CA11: variants seen among roughly 807,000 people sequenced by gnomAD.
The protein encoded by CA11 is carbonic anhydrase 11 (inactive).
CA11 carries 20 observed loss-of-function variants against 39.3 expected under a neutral mutation model. That is an observed-to-expected ratio of 0.51 (90% CI 0.36 to 0.74). The LOEUF is 0.74. Among genes scored for constraint, CA11 ranks in the 30% least tolerant of loss-of-function variants. The pLI is 0.00. For missense variants in CA11, 336 were observed against 424.6 expected, an observed-to-expected ratio of 0.79 and a Z score of 1.83; for synonymous variants, 166 against 172.5, an observed-to-expected ratio of 0.96 and a Z score of 0.29.
At chr19:48,638,866 G>T (rs777141420) in intron 8 of CA11, 22 bp downstream of exon 8, 6 of 1,544,626 alleles carry the variant, frequency 3.9e-6, no homozygotes, top group African/African-American at 2.8e-5. Flanking sequence ...AAGACTTAGA[G>T]GGGGTGCAGA....
At chr19:48,645,154 A>C (rs1424337031) in intron 2 of CA11, among the ~76,000 whole-genome samples, 2 of 152,106 alleles carry the variant, frequency 1.3e-5, no homozygotes, top group Non-Finnish European at 2.9e-5. Context: ...CTCTCCCGGC[A>C]AACACACACA....
intron 6 of CA11, 30 bp from the exon 7 acceptor site, chr19:48,639,489 G>A (rs779570734): frequency 1.2e-5 from 19 of 1,613,654 alleles, no homozygotes; most frequent in Non-Finnish European, 1.6e-5. Context: ...GAGTAAAGAG[G>A]GATGGCACTC....
At position 48,638,155 on chromosome 19, in the gene CA11, G is replaced by A; in HGVS notation, c.962-11C>T. Reference sequence around the variant, plus strand: ...GGGGGACACCATCCACTGTAAGACAGAGAACAACGGCAGGGGGCGTCAGTA... The same window carrying A: ...GGGGGACACCATCCACTGTAAGACAAAGAACAACGGCAGGGGGCGTCAGTA... On this transcript the variant is annotated splice_polypyrimidine_tract_variant and intron_variant, in intron 8 of 8. Transcript: ENST00000084798. The A allele has an allele frequency of 1.1e-6, 1 of 910,996 alleles. No homozygotes were observed. The highest frequency in any genetic ancestry group is 3.2e-5 in the East Asian group (1 of 30,880). The allele number at this position is 910,996 out of a possible 1,614,324, so 56.4% of individuals were successfully genotyped here. A position where few individuals can be genotyped will look rare whatever the true frequency, so the allele number is the denominator to read the frequency against.
intron 6 of CA11, 32 bp downstream of exon 6, chr19:48,639,517 T>G (rs780838422): frequency 4.3e-6 from 7 of 1,613,906 alleles, no homozygotes; most frequent in Non-Finnish European, 5.9e-6. Context: ...CCCTCGTGTG[T>G]GACCACTGCC....
intron 3 of CA11, among the ~76,000 whole-genome samples, chr19:48,641,823 CTTTTTTTTTTTTTT>C: frequency 1.1e-5 from 1 of 92,296 alleles, no homozygotes; most frequent in Admixed American, 1.2e-4. Flanking sequence ...TTTCAATTTT[CTTTTTTTTTTTTTT>C]TTTTTTTTGG....
In CA11 at chr19:48,643,630, C is replaced by CAAA. The variant is rs1169751929; in HGVS notation, c.285+794_285+796dup. On this transcript the variant is annotated intron_variant, in intron 3 of 8. Coordinates refer to ENST00000084798, the MANE Select transcript of CA11 (RefSeq NM_001217.5). The surrounding 1 kb of genome is among the most constrained non-coding windows in gnomAD (Gnocchi z 4.3). ...GGGTCACAGAGTGAGATCCCAATTC[C>CAAA]AAAAAAAAAAAAAAAAAGTATGGTT... 9.1e-6 allele frequency among the ~76,000 whole-genome samples: 1 copy of CAAA among 109,410 alleles called. No individual in the cohort carries two copies. The highest frequency in any genetic ancestry group is 2.5e-4 in the East Asian group (1 of 3,958). 71.8% of individuals were successfully genotyped at this position (109,410 alleles called of 152,430 possible).
intron 3 of CA11, among the ~76,000 whole-genome samples, chr19:48,642,732 C>A (rs1452213876): frequency 2.0e-5 from 3 of 151,910 alleles, no homozygotes; most frequent in Non-Finnish European, 4.4e-5. Flanking sequence ...CGCCACCAGT[C>A]CAGGTGGGAG....
At chr19:48,642,783 G>A (rs553926519) in intron 3 of CA11, among the ~76,000 whole-genome samples, 16 of 152,246 alleles carry the variant, frequency 1.1e-4, no homozygotes, top group Non-Finnish European at 2.2e-4. Flanking sequence ...TAGAGGGCGT[G>A]ATAGGTGAAA....
rs1601184779 is a variant in CA11, at chr19:48,638,057, G to A, written c.*62C>T. On this transcript the variant is annotated 3_prime_UTR_variant, in exon 9 of 9. Transcript: ENST00000084798. ...TCCCTTTAATAGCTTTGTTTTAGGG[G>A]TAACTCCCCTCGCCTTGTGGGGAGG... The A allele has an allele frequency of 3.9e-6, 5 of 1,290,602 alleles. No homozygotes were observed. Among genetic ancestry groups the A allele is most frequent in the Non-Finnish European group, 5.2e-6 (5 of 961,992 alleles). The allele number at this position is 1,290,602 out of a possible 1,614,324, so 79.9% of individuals were successfully genotyped here. A position where few individuals can be genotyped will look rare whatever the true frequency, so the allele number is the denominator to read the frequency against.
Position 48,639,794 on chromosome 19 carries a change from A to G in CA11, c.561T>C (p.Phe187=). ...GAATCTCGCCTCCGCTCACGTTGAC[A>G]AAGAGGCTGAGAATGGCCAGGCCAT... ...GPNGLAILSL[F]VNVASTSNPF... Residue 187 remains phenylalanine, a synonymous_variant, in exon 5 of 9, where the codon TTT becomes TTC. Coordinates refer to ENST00000084798, the MANE Select transcript of CA11 (RefSeq NM_001217.5). 1 of 1,613,964 alleles carries G rather than the reference A, an allele frequency of 6.2e-7. No individual in the cohort carries two copies. Among genetic ancestry groups the G allele is most frequent in the Non-Finnish European group, 8.5e-7 (1 of 1,179,856 alleles).
chr19:48,644,470 T>C lies in CA11; in HGVS notation c.242A>G (p.Asp81Gly). 1 of 1,610,382 alleles carries C rather than the reference T, an allele frequency of 6.2e-7. No individual in the cohort carries two copies. The highest frequency in any genetic ancestry group is 1.1e-5 in the South Asian group (1 of 90,686). The change falls in exon 3 of 9, where the codon GAC becomes GGC. Residue 81 changes from aspartate to glycine, a missense_variant. Coordinates refer to ENST00000084798, the MANE Select transcript of CA11 (RefSeq NM_001217.5). ...GAGCCTTAATGGGGGCAGAAAGGGGTCATAAAGAACCCTCTTCAGCTCCAC... is the reference window on the plus strand; with the variant it reads ...GAGCCTTAATGGGGGCAGAAAGGGGCCATAAAGAACCCTCTTCAGCTCCAC... Reference protein sequence around the residue: ...VDVELKRVLYDPFLPPLRLST... With the variant: ...VDVELKRVLYGPFLPPLRLST...
In CA11 at chr19:48,640,107, G is replaced by A. The variant is rs752240582; in HGVS notation, c.459C>T (p.Gly153=). 16 of 1,613,390 alleles carry A rather than the reference G, an allele frequency of 9.9e-6. No individual in the cohort carries two copies. Among genetic ancestry groups the A allele is most frequent in the African/African-American group, 5.3e-5 (4 of 74,878 alleles). The part of the protein sequence containing the change: ...AGSEHQINHQ[G]FSAEVQLIHF... Reference sequence around the variant, plus strand: ...CAGTGGCCACTACCTCAGCAGAGAAGCCCTGGTGGTTGATCTGATGTTCCG... The same window carrying A: ...CAGTGGCCACTACCTCAGCAGAGAAACCCTGGTGGTTGATCTGATGTTCCG... The change falls in exon 4 of 9, where the codon GGC becomes GGT. Residue 153 remains glycine, a synonymous_variant. Coordinates refer to ENST00000084798, the MANE Select transcript of CA11 (RefSeq NM_001217.5).
chr19:48,642,953 C>T (rs960160954), intron 3 of CA11, among the ~76,000 whole-genome samples: 7 of 151,926 alleles, frequency 4.6e-5, no homozygotes, highest in South Asian at 2.1e-4. Flanking sequence ...TGGCCAGGCG[C>T]GGTGGATCAC....
At chr19:48,638,846 G>A in intron 8 of CA11, 42 bp downstream of exon 8, 1 of 1,512,410 alleles carries the variant, frequency 6.6e-7, no homozygotes, top group Non-Finnish European at 8.8e-7. Context: ...ACATATAAGA[G>A]GGTTAGCCCA....
intron 3 of CA11, 131 bp from the exon 4 acceptor site, chr19:48,640,411 G>T (rs1478025586): frequency 1.3e-5 from 9 of 698,966 alleles, no homozygotes; most frequent in Non-Finnish European, 1.7e-5. Context: ...TCTCGCTCTT[G>T]TTGCCCAGGC....
rs761621442 is a variant in CA11 at position 48,639,314 on chromosome 19, G to A, written c.786C>T (p.Thr262=). 5.6e-6 allele frequency: 9 copies of A among 1,613,612 alleles called. No homozygotes were observed. Among genetic ancestry groups the A allele is most frequent in the Admixed American group, 1.7e-5 (1 of 59,990 alleles). ...GCGGACAGAGGGTCACCTGAAGGGA[G>A]GTGATATTGAGGGCCCGGTCAATGA... ...WILIDRALNI[T]SLQMHSLRLL... is the part of the protein sequence containing the mutation. The change falls in exon 7 of 9, where the codon ACC becomes ACT. Residue 262 remains threonine (T), a synonymous_variant. Transcript: ENST00000084798.
At chr19:48,640,347 C>T (rs2031030899) in intron 3 of CA11, 67 bp from the exon 4 acceptor site, 2 of 623,170 alleles carry the variant, frequency 3.2e-6, no homozygotes, top group Non-Finnish European at 5.6e-6. Flanking sequence ...CCCACGCCTA[C>T]ATTTTCTGAT....
chr19:48,639,633 T>C lies in CA11; in HGVS notation c.568-12A>G. 1 of 1,612,994 alleles carries C rather than the reference T, an allele frequency of 6.2e-7. No homozygotes were observed. The highest frequency in any genetic ancestry group is 1.1e-5 in the South Asian group (1 of 91,010). On this transcript the variant is annotated splice_polypyrimidine_tract_variant and intron_variant, in intron 5 of 8. Transcript: ENST00000084798. ...GAGGTACTGGCAACCTGTGTGGGGG[T>C]ACGAGGTGAGGACACAGGAGCCCAG... is the stretch of plus-strand genomic sequence containing the variant.
At position 48,643,915 on chromosome 19, in the gene CA11, G is replaced by C. The variant is rs2031165273; in HGVS notation, c.285+512C>G. Among the ~76,000 whole-genome samples the C allele has an allele frequency of 6.6e-6, 1 of 152,134 alleles. No individual in the cohort carries two copies. The highest frequency in any genetic ancestry group is 6.5e-5 in the Admixed American group (1 of 15,274). ...TCAAGACCAGCCTGACCAAAATGGAGAAAACCCATCTCTGCTAAAAATACA... is the reference window on the plus strand; with the variant it reads ...TCAAGACCAGCCTGACCAAAATGGACAAAACCCATCTCTGCTAAAAATACA... On this transcript the variant is annotated intron_variant, in intron 3 of 8. Coordinates refer to ENST00000084798, the MANE Select transcript of CA11 (RefSeq NM_001217.5). This position sits in a 1 kb window ranked among gnomAD's most constrained non-coding sequence, Gnocchi z 4.3.
Sources: gnomAD v4.1 joint callset for allele counts (sites outside exome capture counted in the v4.1 genomes callset) on GRCh38, gnomAD v4.1.1 for gene constraint, Gnocchi (gnomAD v3.1) non-coding constraint, MANE v1.5 for transcripts, NCBI Gene and HGNC (gene_info 2026-07-23, HGNC 2026-07-21) for gene names.